The following ENOX1 variants were observed in gnomAD, a reference collection of about 807,000 sequenced individuals.
ENOX1 encodes candidate growth-related and time keeping constitutive hydroquinone (NADH) oxidase.
Under a neutral mutation model 82.5 loss-of-function variants are expected in ENOX1, and 42 were observed. That is an observed-to-expected ratio of 0.51 (90% CI 0.40 to 0.66). The LOEUF (loss-of-function observed/expected upper bound fraction) is 0.66. Among genes scored for constraint, ENOX1 ranks in the 30% least tolerant of loss-of-function variants. The probability of loss-of-function intolerance (pLI) is 0.00; values close to 1 mark genes in which losing one functional copy is unlikely to be tolerated. For synonymous variants in ENOX1, 271 were observed against 282.2 expected (o/e 0.96, Z 0.40); for missense variants, 608 against 811.6 (o/e 0.75, Z 3.05).
chr13:43,367,848 A>C (rs1290938333), intron 5 of ENOX1, among the ~76,000 whole-genome samples: 1 of 152,142 alleles, frequency 6.6e-6, no homozygotes, highest in Non-Finnish European at 1.5e-5. Context: ...TGGGCATGTA[A>C]AAAGGTATCC....
At chr13:43,486,642 T>C (rs2076429440) in intron 2 of ENOX1, among the ~76,000 whole-genome samples, 1 of 152,088 alleles carries the variant, frequency 6.6e-6, no homozygotes, top group Non-Finnish European at 1.5e-5. Flanking sequence ...TCAAAAACCA[T>C]AAGAAGGTGG....
chr13:43,730,270 A>C (rs1485860316), intron 1 of ENOX1, among the ~76,000 whole-genome samples: 1 of 152,218 alleles, frequency 6.6e-6, no homozygotes, highest in East Asian at 1.9e-4. Context: ...ACACCAGAGC[A>C]CTATTTATGC....
chr13:43,569,004 A>C (rs531375423), intron 2 of ENOX1, among the ~76,000 whole-genome samples: 1 of 152,260 alleles, frequency 6.6e-6, no homozygotes, highest in African/African-American at 2.4e-5. Flanking sequence ...TAATCAAAAA[A>C]ATGTTTGTTG....
At chr13:43,653,609 CAA>C (rs5803196) in intron 2 of ENOX1, among the ~76,000 whole-genome samples, 45,855 of 151,934 alleles carry the variant, frequency 0.3, 7,148 homozygotes, top group Non-Finnish European at 0.34. Context: ...TTTGTATGTG[CAA>C]AAGACAGTAA....
At chr13:43,487,760 T>C (rs1325063090) in intron 2 of ENOX1, among the ~76,000 whole-genome samples, 1 of 152,202 alleles carries the variant, frequency 6.6e-6, no homozygotes, top group Non-Finnish European at 1.5e-5. Context: ...CACACCCTTT[T>C]ACTCTGGAAA....
At chr13:43,715,072 T>C (rs1399677400) in intron 1 of ENOX1, among the ~76,000 whole-genome samples, 6 of 152,194 alleles carry the variant, frequency 3.9e-5, no homozygotes, top group African/African-American at 1.2e-4. Flanking sequence ...CCATGTTTAG[T>C]GCTTCCTTCA....
intron 1 of ENOX1, among the ~76,000 whole-genome samples, chr13:43,702,816 G>A (rs906477803): frequency 6.6e-6 from 1 of 151,888 alleles, no homozygotes; most frequent in African/African-American, 2.4e-5. Context: ...AGCTGAGCGT[G>A]GTGGCAGGTG....
At chr13:43,463,919 T>C (rs1306902891) in intron 3 of ENOX1, among the ~76,000 whole-genome samples, 3 of 152,230 alleles carry the variant, frequency 2.0e-5, no homozygotes, top group African/African-American at 7.2e-5. Flanking sequence ...GAATACCTAC[T>C]ATGTGCAGGT....
chr13:43,536,652 C>T (rs1471953792), intron 2 of ENOX1, among the ~76,000 whole-genome samples: 1 of 152,198 alleles, frequency 6.6e-6, no homozygotes, highest in Non-Finnish European at 1.5e-5. Flanking sequence ...GAAGTGTCTG[C>T]ATGACAGCCT....
At chr13:43,645,079 G>C (rs561231664) in intron 2 of ENOX1, among the ~76,000 whole-genome samples, 1 of 152,070 alleles carries the variant, frequency 6.6e-6, no homozygotes, top group Non-Finnish European at 1.5e-5. Context: ...TCAAATAATA[G>C]TTTTCCCATT....
intron 1 of ENOX1, among the ~76,000 whole-genome samples, chr13:43,722,413 G>C (rs550203930): frequency 7.3e-4 from 111 of 152,282 alleles, no homozygotes; most frequent in African/African-American, 2.6e-3. Context: ...CCTCTGGGAA[G>C]AAATGTATAA....
intron 1 of ENOX1, among the ~76,000 whole-genome samples, chr13:43,703,422 C>T (rs763482691): frequency 6.6e-6 from 1 of 152,106 alleles, no homozygotes; most frequent in Non-Finnish European, 1.5e-5. Flanking sequence ...TGTTGCTATT[C>T]CCCTGAGTGA....
intron 1 of ENOX1, among the ~76,000 whole-genome samples, chr13:43,773,574 C>G (rs950833962): frequency 6.6e-6 from 1 of 152,208 alleles, no homozygotes; most frequent in African/African-American, 2.4e-5. Context: ...TTTCACACAT[C>G]TGGACTTCAT....
chr13:43,338,395 G>T (rs1273836742), intron 9 of ENOX1, among the ~76,000 whole-genome samples: 1 of 152,102 alleles, frequency 6.6e-6, no homozygotes, highest in Non-Finnish European at 1.5e-5. Flanking sequence ...GCAAATGGAC[G>T]GGTTAAGAAA....
chr13:43,686,740 C>G (rs1307309683), intron 1 of ENOX1, among the ~76,000 whole-genome samples: 1 of 152,124 alleles, frequency 6.6e-6, no homozygotes. Context: ...TTGGGGAGGT[C>G]AGGGAGGGGT....
chr13:43,413,524 C>T (rs1434670602), intron 3 of ENOX1, among the ~76,000 whole-genome samples: 1 of 151,662 alleles, frequency 6.6e-6, no homozygotes, highest in African/African-American at 2.4e-5. Flanking sequence ...TTACAATAGT[C>T]AGGAAAGGCA....
chr13:43,457,045 G>A (rs1185516693), intron 3 of ENOX1, among the ~76,000 whole-genome samples: 1 of 152,014 alleles, frequency 6.6e-6, no homozygotes, highest in Non-Finnish European at 1.5e-5. Context: ...ACTAATTTCA[G>A]TGAGATTTAT....
intron 2 of ENOX1, among the ~76,000 whole-genome samples, chr13:43,612,340 C>T (rs1431144649): frequency 6.6e-6 from 1 of 152,096 alleles, no homozygotes; most frequent in Non-Finnish European, 1.5e-5. Context: ...GTATGGATTA[C>T]CCTCATATTT....
At chr13:43,607,734 G>T (rs1300442650) in intron 2 of ENOX1, among the ~76,000 whole-genome samples, 1 of 152,192 alleles carries the variant, frequency 6.6e-6, no homozygotes, top group Non-Finnish European at 1.5e-5. Flanking sequence ...AGTTGCTGAA[G>T]TCCCAGCCTG....
Sources: gnomAD v4.1 joint callset for allele counts (sites outside exome capture counted in the v4.1 genomes callset) on GRCh38, gnomAD v4.1.1 for gene constraint, MANE v1.5 for transcripts, NCBI Gene and HGNC (gene_info 2026-07-23, HGNC 2026-07-21) for gene names.